PRRC2B: variants seen among roughly 807,000 people sequenced by gnomAD.
PRRC2B encodes proline rich coiled-coil 2B, also known as protein PRRC2B.
In PRRC2B, 68 loss-of-function variants were observed where a neutral mutation model predicts 242.3. That is an observed-to-expected ratio of 0.28 (90% CI 0.23 to 0.34). PRRC2B has a LOEUF of 0.34. Ranked by LOEUF, PRRC2B falls within the 10% of genes least tolerant of loss-of-function variation. PRRC2B has a pLI of 1.00. For synonymous variants in PRRC2B, 1,228 were observed against 1,173.6 expected (o/e 1.05, Z -0.95); for missense variants, 2,835 against 2,954.8 (o/e 0.96, Z 0.94).
At chr9:131,430,534 TCTATAGATATCTATAG>T in intron 2 of PRRC2B, among the ~76,000 whole-genome samples, 8 of 143,698 alleles carry the variant, frequency 5.6e-5, no homozygotes, top group Admixed American at 7.3e-5. Flanking sequence ...TAGATATCTA[TCTATAGATATCTATAG>T]GTGTGTGTGT....
At chr9:131,377,701 T>C (rs1182077332) in intron 1 of PRRC2B, among the ~76,000 whole-genome samples, 1 of 152,156 alleles carries the variant, frequency 6.6e-6, no homozygotes, top group Admixed American at 6.6e-5. Context: ...TGGAAAGATT[T>C]TCTTCTTTGT....
In PRRC2B at chr9:131,414,674, G is replaced by A. The variant is rs926555585; in HGVS notation, c.-51-15420G>A. Reference sequence around the variant, plus strand: ...CAACCTCTACCTCCCGGGTTCAAGTGATCTTCTGCCTCAGCCTCCCAAGTA... The same window carrying A: ...CAACCTCTACCTCCCGGGTTCAAGTAATCTTCTGCCTCAGCCTCCCAAGTA... On this transcript the variant is annotated intron_variant, in intron 1 of 31. Transcript: ENST00000683519. Among the ~76,000 whole-genome samples, 7 of 151,300 alleles carry A rather than the reference G, an allele frequency of 4.6e-5. No homozygotes were observed. The East Asian group carries it at 1.4e-3, about 30-fold the overall frequency.
At chr9:131,434,940 T>G (rs1838296953) in intron 3 of PRRC2B, among the ~76,000 whole-genome samples, 1 of 152,144 alleles carries the variant, frequency 6.6e-6, no homozygotes, top group South Asian at 2.1e-4. Flanking sequence ...GATCCAGCAT[T>G]TCCATTTCTA....
chr9:131,407,378 G>A (rs1186444746), intron 1 of PRRC2B, among the ~76,000 whole-genome samples: 1 of 152,152 alleles, frequency 6.6e-6, no homozygotes, highest in Non-Finnish European at 1.5e-5. Flanking sequence ...TGTGGGTAAG[G>A]TGTTTATAAC....
intron 1 of PRRC2B, among the ~76,000 whole-genome samples, chr9:131,416,151 C>G (rs1179905158): frequency 2.6e-5 from 4 of 151,740 alleles, no homozygotes. Context: ...CTCTGTTGCC[C>G]AGGCTGGAGT....
intron 1 of PRRC2B, among the ~76,000 whole-genome samples, chr9:131,420,508 T>TCTTTCTTTCCTTTCTTTCTTTC (rs1837807733): frequency 1.5e-5 from 2 of 129,504 alleles, no homozygotes; most frequent in Admixed American, 8.1e-5. Flanking sequence ...TTTTTTTTTT[T>TCTTTCTTTCCTTTCTTTCTTTC]TTGAGATGGA....
chr9:131,399,895 C>T (rs1040140091), intron 1 of PRRC2B, among the ~76,000 whole-genome samples: 3 of 152,138 alleles, frequency 2.0e-5, no homozygotes, highest in Non-Finnish European at 4.4e-5. Context: ...TCTTTTCCCT[C>T]CTATAAGAGA....
rs1439637782 is a variant in PRRC2B, at chr9:131,438,171, G to A, written c.397-818G>A. Among the ~76,000 whole-genome samples the A allele has an allele frequency of 2.0e-5, 3 of 152,174 alleles. No individual in the cohort carries two copies. The East Asian group carries it at 5.8e-4, about 29-fold the overall frequency. On this transcript the variant is annotated intron_variant, in intron 4 of 31. Coordinates refer to ENST00000683519, the MANE Select transcript of PRRC2B (RefSeq NM_013318.4). ...TCACAAAGCAGCAGCTTTGTTTTGT[G>A]TATTTTCACCTTCAGTTAGAAGAGG...
At chr9:131,400,406 C>G (rs1837197341) in intron 1 of PRRC2B, among the ~76,000 whole-genome samples, 1 of 152,074 alleles carries the variant, frequency 6.6e-6, no homozygotes, top group Non-Finnish European at 1.5e-5. Context: ...GCAACCTCCA[C>G]TTCCTGGGTT....
chr9:131,418,642 G>T (rs1161892616), intron 1 of PRRC2B, among the ~76,000 whole-genome samples: 1 of 152,208 alleles, frequency 6.6e-6, no homozygotes, highest in Non-Finnish European at 1.5e-5. Context: ...GAAAGGCTTT[G>T]GGTGTAAACA....
At chr9:131,396,315 C>T (rs1483142599) in intron 1 of PRRC2B, among the ~76,000 whole-genome samples, 11 of 130,614 alleles carry the variant, frequency 8.4e-5, no homozygotes, top group East Asian at 2.1e-4. Flanking sequence ...CTTCTTTTTT[C>T]TTTTCTTTTC....
chr9:131,462,832 C>T (rs548752269), intron 11 of PRRC2B, among the ~76,000 whole-genome samples: 198 of 12,088 alleles, frequency 0.016, 1 homozygote, highest in Non-Finnish European at 0.043. Flanking sequence ...AGTGAGACTC[C>T]GTCTAAAAAA....
intron 28 of PRRC2B, 121 bp from the exon 29 acceptor site, chr9:131,491,304 G>A (rs530963525): frequency 2.9e-6 from 3 of 1,028,538 alleles, no homozygotes; most frequent in Non-Finnish European, 4.2e-6. Context: ...GCTTTATGCA[G>A]GCTTTGCTTT....
chr9:131,420,820 C>G (rs1015592766), intron 1 of PRRC2B, among the ~76,000 whole-genome samples: 1 of 152,014 alleles, frequency 6.6e-6, no homozygotes, highest in Non-Finnish European at 1.5e-5. Flanking sequence ...TAGGGAGCCT[C>G]TGCAAGCTGG....
At chr9:131,430,935 T>C (rs1838146524) in intron 2 of PRRC2B, among the ~76,000 whole-genome samples, 1 of 151,220 alleles carries the variant, frequency 6.6e-6, no homozygotes, top group African/African-American at 2.4e-5. Flanking sequence ...TGGGACTTAA[T>C]AGGCATTAGT....
In PRRC2B at chr9:131,488,072, G is replaced by C; in HGVS notation, c.6201G>C (p.Gln2067His). 6.2e-7 allele frequency: 1 copy of C among 1,613,250 alleles called. No homozygotes were observed. Among genetic ancestry groups the C allele is most frequent in the East Asian group, 2.2e-5 (1 of 44,854 alleles). Residue 2067 changes from glutamine (Q) to histidine (H), a missense_variant, in exon 28 of 32, where the codon CAG (glutamine) becomes CAC (histidine). Coordinates refer to ENST00000683519, the MANE Select transcript of PRRC2B (RefSeq NM_013318.4). ...LSQAAGLGAS[Q>H]MLDSQLPQLT... is the part of the protein sequence containing the mutation. Reference sequence around the variant, plus strand: ...AGGCTGCTGGCCTGGGTGCCTCCCAGATGTTGGACTCCCAGCTCCCACAGG... The same window carrying C: ...AGGCTGCTGGCCTGGGTGCCTCCCACATGTTGGACTCCCAGCTCCCACAGG...
At chr9:131,416,649 A>G (rs910355713) in intron 1 of PRRC2B, among the ~76,000 whole-genome samples, 1 of 151,070 alleles carries the variant, frequency 6.6e-6, no homozygotes, top group Non-Finnish European at 1.5e-5. Flanking sequence ...AGGATGCCAC[A>G]TTAAATTTAA....
chr9:131,426,226 T>G (rs1449039240), intron 1 of PRRC2B, among the ~76,000 whole-genome samples: 1 of 149,532 alleles, frequency 6.7e-6, no homozygotes, highest in Non-Finnish European at 1.5e-5. Flanking sequence ...TAAGCCCAGC[T>G]ACTCAGGAGG....
chr9:131,437,974 G>A (rs532506978), intron 4 of PRRC2B, among the ~76,000 whole-genome samples: 2 of 152,186 alleles, frequency 1.3e-5, no homozygotes, highest in South Asian at 2.1e-4. Flanking sequence ...CTGAAGGGGA[G>A]CACTATGCCA....
Sources: gnomAD v4.1 joint callset for allele counts (sites outside exome capture counted in the v4.1 genomes callset) on GRCh38, gnomAD v4.1.1 for gene constraint, MANE v1.5 for transcripts, NCBI Gene and HGNC (gene_info 2026-07-23, HGNC 2026-07-21) for gene names.